EIF2A: variants seen among roughly 807,000 people sequenced by gnomAD.
EIF2A encodes the protein eukaryotic translation initiation factor 2A, also known as 65 kDa eukaryotic translation initiation factor 2A.
EIF2A carries 62 observed loss-of-function variants against 75.2 expected under a neutral mutation model. That is an observed-to-expected ratio of 0.82 (90% CI 0.67 to 1.02). The LOEUF (loss-of-function observed/expected upper bound fraction) is 1.02, where lower values mean the gene tolerates loss of function less well. Among genes scored for constraint, EIF2A ranks in the 50% least tolerant of loss-of-function variants. The pLI, the probability that EIF2A is intolerant of heterozygous loss-of-function variation, is 0.00. For synonymous variants in EIF2A, 207 were observed against 239.0 expected, an observed-to-expected ratio of 0.87 and a Z score of 1.23; for missense variants, 611 against 677.7, an observed-to-expected ratio of 0.90 and a Z score of 1.09.
chr3:150,552,587 G>A, intron 2 of EIF2A, 162 bp downstream of exon 2: 1 of 556,164 alleles, frequency 1.8e-6, no homozygotes, highest in Non-Finnish European at 3.0e-6. Context: ...TCTCTATCAA[G>A]GAAAATGATC....
At chr3:150,579,715 A>AAAG (rs1043736771) in intron 11 of EIF2A, among the ~76,000 whole-genome samples, 8 of 152,008 alleles carry the variant, frequency 5.3e-5, no homozygotes, top group African/African-American at 1.9e-4. Context: ...AAAAAAAAAA[A>AAAG]AAGAGAAAAA....
intron 1 of EIF2A, among the ~76,000 whole-genome samples, chr3:150,549,502 G>A (rs139695274): frequency 0.014 from 2,128 of 152,270 alleles, 30 homozygotes; most frequent in Non-Finnish European, 0.021. Context: ...ACAGGTGTGA[G>A]CCACCATGCC....
chr3:150,564,409 A>C lies in EIF2A; in HGVS notation c.475+28A>C, dbSNP rs201357989. 6.6e-5 allele frequency: 102 copies of C among 1,536,918 alleles called. No individual in the cohort carries two copies. The African/African-American group carries it at 1.1e-3, about 16-fold the overall frequency. On this transcript the variant is annotated intron_variant, in intron 6 of 13. Coordinates refer to ENST00000460851, the MANE Select transcript of EIF2A (RefSeq NM_032025.5). ...ATGGAAAGATTTATGACATAATTTT[A>C]TTACTTACTGTAATCGTATACAGTT...
At position 150,558,500 on chromosome 3, in the gene EIF2A, G is replaced by A. The variant is rs191019624; in HGVS notation, c.173+38G>A. On this transcript the variant is annotated intron_variant, in intron 3 of 13. Transcript: ENST00000460851. The stretch of plus-strand genomic sequence containing the variant: ...TTACATAACATATTTTGTGTGTCAC[G>A]AATATAAACACAACTGGCATTATTT... 1.2e-4 allele frequency: 176 copies of A among 1,416,328 alleles called. No individual in the cohort carries two copies. In the East Asian group the frequency reaches 1.9e-3, roughly 15 times the overall value. 87.7% of individuals were successfully genotyped at this position (1,416,328 alleles called of 1,614,324 possible).
rs1245437299 is a variant in EIF2A at position 150,575,677 on chromosome 3, A to G, written c.1412A>G (p.Lys471Arg). The change falls in exon 11 of 14, where the codon AAA (lysine) becomes AGA (arginine). Residue 471 changes from lysine to arginine, a missense_variant. By Grantham distance (26) the Lys-to-Arg change is conservative. Coordinates refer to ENST00000460851, the MANE Select transcript of EIF2A (RefSeq NM_032025.5). ...GAAGAGGAACCACCTCAGAATATGA[A>G]ACCACAATCAGGAAACGATAAGCCA... is the stretch of plus-strand genomic sequence containing the variant. ...LHEEEPPQNM[K>R]PQSGNDKPLS... The G allele has an allele frequency of 6.2e-7, 1 of 1,612,318 alleles. No homozygotes were observed. The highest frequency in any genetic ancestry group is 1.3e-5 in the African/African-American group (1 of 74,774).
intron 12 of EIF2A, among the ~76,000 whole-genome samples, chr3:150,582,712 A>G (rs1182539037): frequency 1.3e-5 from 2 of 152,220 alleles, no homozygotes; most frequent in African/African-American, 2.4e-5. Context: ...GAGACAAAAA[A>G]GAAGTGTATT....
intron 2 of EIF2A, 38 bp downstream of exon 2, chr3:150,552,463 T>C: frequency 6.7e-7 from 1 of 1,502,306 alleles, no homozygotes; most frequent in Middle Eastern, 1.7e-4. Flanking sequence ...ATAGGGAACA[T>C]ACAGTACAAT....
At chr3:150,573,656 T>C (rs576529098) in intron 10 of EIF2A, among the ~76,000 whole-genome samples, 68 of 152,310 alleles carry the variant, frequency 4.5e-4, no homozygotes, top group African/African-American at 1.6e-3. Flanking sequence ...AGTAGCTATA[T>C]GCCCAGTAAT....
In EIF2A at chr3:150,547,619, T is replaced by C. The variant is rs567918779; in HGVS notation, c.28+789T>C. Among the ~76,000 whole-genome samples the C allele has an allele frequency of 3.3e-5, 5 of 152,292 alleles. No individual in the cohort carries two copies. In the South Asian group the frequency reaches 1.0e-3, roughly 32 times the overall value. On this transcript the variant is annotated intron_variant, in intron 1 of 13. Coordinates refer to ENST00000460851, the MANE Select transcript of EIF2A (RefSeq NM_032025.5). ...GGTTTTGGTTAAGTTCTGATAACTATATAGAAGGAAAAAGTCATTAAGAGA... is the reference window on the plus strand; with the variant it reads ...GGTTTTGGTTAAGTTCTGATAACTACATAGAAGGAAAAAGTCATTAAGAGA...
intron 2 of EIF2A, among the ~76,000 whole-genome samples, chr3:150,555,073 G>A (rs937207742): frequency 2.0e-5 from 3 of 150,992 alleles, no homozygotes; most frequent in African/African-American, 7.3e-5. Context: ...GACTATAGGC[G>A]CATGCCACCA....
rs1473418028 is a variant in EIF2A, at chr3:150,568,200, G to C, written c.719G>C (p.Ser240Thr). 1.9e-6 allele frequency: 3 copies of C among 1,613,324 alleles called. No homozygotes were observed. Among genetic ancestry groups the C allele is most frequent in the Non-Finnish European group, 2.5e-6 (3 of 1,179,644 alleles). Residue 240 changes from serine (S) to threonine (T), a missense_variant, in exon 9 of 14, where the codon AGC becomes ACC. Physicochemically the swap from Ser to Thr is moderately conservative, Grantham distance 58. Coordinates refer to ENST00000460851, the MANE Select transcript of EIF2A (RefSeq NM_032025.5). ...GCTACTGCTGTGTTGGTAATAGCTA[G>C]CACAGATGTTGACAAGACAGGAGCT... is the stretch of plus-strand genomic sequence containing the variant. Reference protein sequence around the residue: ...KKATAVLVIASTDVDKTGASY... With the variant: ...KKATAVLVIATTDVDKTGASY...
chr3:150,564,305 A>G lies in EIF2A; in HGVS notation c.399A>G (p.Pro133=), dbSNP rs1183128825. The G allele has an allele frequency of 6.3e-7, 1 of 1,583,696 alleles. No homozygotes were observed. The change falls in exon 6 of 14, where the codon CCA becomes CCG. Residue 133 remains proline (P), a synonymous_variant. Coordinates refer to ENST00000460851, the MANE Select transcript of EIF2A (RefSeq NM_032025.5). Reference sequence around the variant, plus strand: ...TTTTTTTTCATTGACATAGGTGTCCATCCTGGTCAGAAGATGAAACTCTTT... The same window carrying G: ...TTTTTTTTCATTGACATAGGTGTCCGTCCTGGTCAGAAGATGAAACTCTTT... ...FIQKKMQNWC[P]SWSEDETLCA... is the part of the protein sequence containing the mutation.
At chr3:150,582,121 C>T (rs1169684477) in intron 12 of EIF2A, among the ~76,000 whole-genome samples, 1 of 151,982 alleles carries the variant, frequency 6.6e-6, no homozygotes, top group South Asian at 2.1e-4. Context: ...CTGCCTCAGC[C>T]TCCCGAGTAG....
intron 2 of EIF2A, among the ~76,000 whole-genome samples, chr3:150,554,499 A>G (rs935788784): frequency 1.3e-5 from 2 of 152,252 alleles, no homozygotes; most frequent in African/African-American, 4.8e-5. Context: ...ACCAAGCATC[A>G]GAATCATCTG....
At chr3:150,562,405 G>A (rs1159271933) in intron 3 of EIF2A, 137 bp from the exon 4 acceptor site, 5 of 559,786 alleles carry the variant, frequency 8.9e-6, no homozygotes, top group Non-Finnish European at 1.5e-5. Flanking sequence ...CTGGGAGACA[G>A]CGAGACTCCA....
intron 9 of EIF2A, 59 bp downstream of exon 9, chr3:150,568,351 C>T: frequency 2.4e-6 from 3 of 1,272,282 alleles, no homozygotes; most frequent in Non-Finnish European, 3.3e-6. Flanking sequence ...AATACTATGC[C>T]ATAAAGATGA....
At chr3:150,562,431 A>G in intron 3 of EIF2A, 111 bp from the exon 4 acceptor site, 1 of 802,006 alleles carries the variant, frequency 1.2e-6, no homozygotes, top group Non-Finnish European at 1.9e-6. Context: ...AAAAAAAAAA[A>G]AGTCAACATT....
At chr3:150,555,618 GT>G (rs1388616259) in intron 2 of EIF2A, among the ~76,000 whole-genome samples, 1 of 151,794 alleles carries the variant, frequency 6.6e-6, no homozygotes, top group African/African-American at 2.4e-5. Flanking sequence ...GCTGGGCGCG[GT>G]GGCTCATGCC....
In EIF2A at chr3:150,563,594, C is replaced by T. The variant is rs1327542080; in HGVS notation, c.372C>T (p.Ile124=). 7.2e-6 allele frequency: 11 copies of T among 1,531,470 alleles called. No individual in the cohort carries two copies. The highest frequency in any genetic ancestry group is 9.6e-6 in the Non-Finnish European group (11 of 1,141,242). The allele number at this position is 1,531,470 out of a possible 1,614,324, so 94.9% of individuals were successfully genotyped here. A position where few individuals can be genotyped will look rare whatever the true frequency, so the allele number is the denominator to read the frequency against. ...CTGGGACATGTTTGAAATCTTTCAT[C>T]CAGAAAAAAATGCAAAATTGGTAAA... The part of the protein sequence containing the change: ...VKTGTCLKSF[I]QKKMQNWCPS... Residue 124 remains isoleucine (I), a synonymous_variant, in exon 5 of 14, where the codon ATC becomes ATT. Transcript: ENST00000460851.
Sources: allele counts gnomAD v4.1 joint callset (sites outside exome capture counted in the v4.1 genomes callset), GRCh38; gene constraint gnomAD v4.1.1; transcripts MANE v1.5; gene names NCBI Gene and HGNC (gene_info 2026-07-23, HGNC 2026-07-21).